The following AGO2 variants were observed in gnomAD, a reference collection of about 807,000 sequenced individuals.
AGO2 encodes protein argonaute-2.
AGO2 carries 5 observed loss-of-function variants against 102.3 expected under a neutral mutation model. That is an observed-to-expected ratio of 0.05 (90% CI 0.03 to 0.10). The LOEUF (loss-of-function observed/expected upper bound fraction) is 0.10. Among genes scored for constraint, AGO2 ranks in the 10% least tolerant of loss-of-function variants. The pLI is 1.00. For synonymous variants in AGO2, 449 were observed against 473.1 expected (o/e 0.95, Z 0.66); for missense variants, 541 against 1,183.7 (o/e 0.46, Z 7.97).
chr8:140,585,421 C>T lies in AGO2; in HGVS notation c.23-110G>A, dbSNP rs770197111. The stretch of plus-strand genomic sequence containing the variant: ...TGCCCCCCTCTGCTGTTTCCATTCA[C>T]GTCCAGGCCAATATTGCATTCCACA... On this transcript the variant is annotated intron_variant, in intron 1 of 18. Coordinates refer to ENST00000220592, the MANE Select transcript of AGO2 (RefSeq NM_012154.5). The T allele has an allele frequency of 1.6e-4, 196 of 1,252,368 alleles. 1 individual carries two copies. Among genetic ancestry groups the T allele is most frequent in the Non-Finnish European group, 2.0e-4 (180 of 904,520 alleles). The allele number at this position is 1,252,368 out of a possible 1,614,324, so 77.6% of individuals were successfully genotyped here.
intron 2 of AGO2, among the ~76,000 whole-genome samples, chr8:140,581,588 A>T (rs888741791): frequency 1.3e-5 from 2 of 152,284 alleles, no homozygotes; most frequent in South Asian, 4.1e-4. Context: ...CCCCTAAATC[A>T]CAGATTCACA....
At chr8:140,563,379 C>T (rs934306760) in intron 3 of AGO2, among the ~76,000 whole-genome samples, 10 of 152,080 alleles carry the variant, frequency 6.6e-5, no homozygotes, top group African/African-American at 1.7e-4. Context: ...TACAGGCACA[C>T]GCCACCAAAC....
At chr8:140,602,212 T>C (rs945170881) in intron 1 of AGO2, among the ~76,000 whole-genome samples, 3 of 152,212 alleles carry the variant, frequency 2.0e-5, no homozygotes, top group Non-Finnish European at 4.4e-5. Flanking sequence ...ATAAATATCA[T>C]GAAGGGAAAA....
chr8:140,561,199 G>A (rs1041073276), intron 4 of AGO2, among the ~76,000 whole-genome samples: 9 of 152,340 alleles, frequency 5.9e-5, no homozygotes, highest in Non-Finnish European at 1.3e-4. Context: ...CCTGCTGCAC[G>A]GGCACCGTGG....
rs564726386 is a variant in AGO2, at chr8:140,524,319, A to G, written c.*7725T>C. 6.6e-6 allele frequency: 1 copy of G among 152,352 alleles called. No individual in the cohort carries two copies. The highest frequency in any genetic ancestry group is 2.4e-5 in the African/African-American group (1 of 41,578). 9.4% of individuals were successfully genotyped at this position (152,352 alleles called of 1,614,324 possible). On this transcript the variant is annotated 3_prime_UTR_variant, in exon 19 of 19. Coordinates refer to ENST00000220592, the MANE Select transcript of AGO2 (RefSeq NM_012154.5). ...AGACCACCAGGCTTTGCTGATGGTC[A>G]TGGTCAATGCATAAGAGATGGGTCT... is the stretch of plus-strand genomic sequence containing the variant.
chr8:140,584,233 A>G lies in AGO2; in HGVS notation c.215+886T>C, dbSNP rs180936238. Among the ~76,000 whole-genome samples the G allele has an allele frequency of 4.3e-4, 66 of 152,300 alleles. No individual in the cohort carries two copies. The East Asian group carries it at 7.5e-3, about 17-fold the overall frequency. The stretch of plus-strand genomic sequence containing the variant: ...ATGAAAATAATATATAAACACATGG[A>G]AAGATGCTCAGCTCATCAGGTACCA... On this transcript the variant is annotated intron_variant, in intron 2 of 18. Coordinates refer to ENST00000220592, the MANE Select transcript of AGO2 (RefSeq NM_012154.5).
chr8:140,608,359 G>A (rs1452979375), intron 1 of AGO2, among the ~76,000 whole-genome samples: 1 of 152,202 alleles, frequency 6.6e-6, no homozygotes. Flanking sequence ...CTCCTTCTCT[G>A]TGCAAATCAC....
At chr8:140,627,016 C>G (rs993460086) in intron 1 of AGO2, among the ~76,000 whole-genome samples, 10 of 152,314 alleles carry the variant, frequency 6.6e-5, no homozygotes, top group African/African-American at 2.4e-4. Context: ...CACCAGGCGC[C>G]ACACACACAG....
chr8:140,560,552 C>T (rs1420132910), intron 4 of AGO2, 42 bp from the exon 5 acceptor site: 1 of 1,587,504 alleles, frequency 6.3e-7, no homozygotes, highest in South Asian at 1.1e-5. Flanking sequence ...TCAGATGTGT[C>T]TTCCGGAAGG....
At chr8:140,568,287 G>GGAAAAAAA (rs545519047) in intron 3 of AGO2, among the ~76,000 whole-genome samples, 30 of 132,076 alleles carry the variant, frequency 2.3e-4, no homozygotes, top group African/African-American at 8.2e-4. Context: ...ATGTCTGGGG[G>GGAAAAAAA]AAAAAAAAAA....
chr8:140,521,140 A>C lies in AGO2; in HGVS notation c.*10904T>G, dbSNP rs2072410470. The C allele has an allele frequency of 6.6e-6, 1 of 152,148 alleles. No individual in the cohort carries two copies. 9.4% of individuals were successfully genotyped at this position (152,148 alleles called of 1,614,324 possible). ...TATATAAATTTAATCACCTGCCCCA[A>C]AGTCCTCTCGTTAGGTTAAAAACAC... On this transcript the variant is annotated 3_prime_UTR_variant, in exon 19 of 19. Coordinates refer to ENST00000220592, the MANE Select transcript of AGO2 (RefSeq NM_012154.5).
At chr8:140,594,461 C>T (rs1192238852) in intron 1 of AGO2, among the ~76,000 whole-genome samples, 8 of 151,926 alleles carry the variant, frequency 5.3e-5, no homozygotes, top group African/African-American at 1.9e-4. Flanking sequence ...CCGTGCCCGG[C>T]CCTCTTTCTT....
At position 140,521,908 on chromosome 8, in the gene AGO2, T is replaced by G. The variant is rs1446730679; in HGVS notation, c.*10136A>C. On this transcript the variant is annotated 3_prime_UTR_variant, in exon 19 of 19. Transcript: ENST00000220592. The stretch of plus-strand genomic sequence containing the variant: ...TGGGATTTTTTTTCTGGCCACCCCT[T>G]CACTGGCACAGAAAATGAAGTGATA... The G allele has an allele frequency of 6.6e-6, 1 of 152,200 alleles. No homozygotes were observed. The highest frequency in any genetic ancestry group is 1.9e-4 in the East Asian group (1 of 5,202). The allele number at this position is 152,200 out of a possible 1,614,324, so 9.4% of individuals were successfully genotyped here.
intron 1 of AGO2, among the ~76,000 whole-genome samples, chr8:140,615,034 A>G (rs148080773): frequency 2.0e-4 from 31 of 152,298 alleles, no homozygotes; most frequent in African/African-American, 7.0e-4. Flanking sequence ...CAATTCCACT[A>G]ACTGTTTTAT....
At chr8:140,551,562 G>T in intron 10 of AGO2, 126 bp from the exon 11 acceptor site, 1 of 1,115,886 alleles carries the variant, frequency 9.0e-7, no homozygotes, top group Non-Finnish European at 1.2e-6. Context: ...GAACTTTTGT[G>T]TTGTCTCCTG....
At chr8:140,616,964 C>T (rs1260207037) in intron 1 of AGO2, among the ~76,000 whole-genome samples, 2 of 152,342 alleles carry the variant, frequency 1.3e-5, no homozygotes, top group African/African-American at 2.4e-5. Context: ...CGCTCTCCAC[C>T]CCCGCGCACC....
At chr8:140,569,869 T>C (rs2073349603) in intron 3 of AGO2, among the ~76,000 whole-genome samples, 1 of 152,164 alleles carries the variant, frequency 6.6e-6, no homozygotes, top group Non-Finnish European at 1.5e-5. Flanking sequence ...AAGGGCGATG[T>C]GACACGGGCC....
chr8:140,594,703 G>A (rs1258992126), intron 1 of AGO2, among the ~76,000 whole-genome samples: 2 of 152,054 alleles, frequency 1.3e-5, no homozygotes, highest in Admixed American at 6.5e-5. Flanking sequence ...GCTACTCGGG[G>A]GTGCTGAGAT....
At chr8:140,551,634 A>AGATGGGGGGGTGGATGGTT (rs2072997027) in intron 10 of AGO2, among the ~76,000 whole-genome samples, 198 bp from the exon 11 acceptor site, 2 of 66,910 alleles carry the variant, frequency 3.0e-5, no homozygotes, top group South Asian at 7.0e-4. Context: ...GGCTGGTGGA[A>AGATGGGGGGGTGGATGGTT]GATGGGTGGG....
Sources: gnomAD v4.1 joint callset for allele counts (sites outside exome capture counted in the v4.1 genomes callset) on GRCh38, gnomAD v4.1.1 for gene constraint, MANE v1.5 for transcripts, NCBI Gene and HGNC (gene_info 2026-07-23, HGNC 2026-07-21) for gene names.